Variants in GCLM observed in about 807,000 individuals in gnomAD.
GCLM encodes glutamate--cysteine ligase regulatory subunit.
GCLM carries 15 observed loss-of-function variants against 36.0 expected under a neutral mutation model. The observed-to-expected ratio is 0.42, with a 90% CI of 0.28 to 0.64. The LOEUF is 0.64. GCLM is among the 30% of genes least tolerant of loss of function. The pLI is 0.25. For missense variants in GCLM, 242 were observed against 325.5 expected (o/e 0.74, Z 1.97); for synonymous variants, 129 against 122.8 (o/e 1.05, Z -0.34).
intron 6 of GCLM, among the ~76,000 whole-genome samples, chr1:93,889,586 T>C (rs1656458379): frequency 6.6e-6 from 1 of 151,922 alleles, no homozygotes; most frequent in African/African-American, 2.4e-5. Flanking sequence ...TTCATATATA[T>C]ATATATATCT....
chr1:93,907,182 C>T (rs547679395), intron 1 of GCLM, among the ~76,000 whole-genome samples: 1 of 152,270 alleles, frequency 6.6e-6, no homozygotes, highest in African/African-American at 2.4e-5. Context: ...AAATGTGCCT[C>T]CCCTTTTGCT....
intron 1 of GCLM, among the ~76,000 whole-genome samples, chr1:93,907,012 T>C (rs1300644173): frequency 6.6e-6 from 1 of 152,218 alleles, no homozygotes; most frequent in Non-Finnish European, 1.5e-5. Flanking sequence ...GAAGAGACCT[T>C]GTAAGAAATT....
intron 6 of GCLM, among the ~76,000 whole-genome samples, chr1:93,891,457 T>C (rs889097891): frequency 6.6e-6 from 1 of 152,176 alleles, no homozygotes; most frequent in Non-Finnish European, 1.5e-5. Flanking sequence ...CTGTACCATA[T>C]AAAACAACAA....
At chr1:93,907,913 TAGAAG>T (rs1184931213) in intron 1 of GCLM, among the ~76,000 whole-genome samples, 1 of 152,128 alleles carries the variant, frequency 6.6e-6, no homozygotes, top group African/African-American at 2.4e-5. Flanking sequence ...CAACATCTCA[TAGAAG>T]AGAGCAGAAA....
intron 6 of GCLM, among the ~76,000 whole-genome samples, chr1:93,893,276 T>C (rs1557727078): frequency 6.6e-6 from 1 of 152,188 alleles, no homozygotes; most frequent in Non-Finnish European, 1.5e-5. Flanking sequence ...AAAAAATGTA[T>C]AGTTTCCGTT....
chr1:93,904,754 T>A (rs1218110331), intron 1 of GCLM, among the ~76,000 whole-genome samples, 166 bp from the exon 2 acceptor site: 34 of 152,208 alleles, frequency 2.2e-4, no homozygotes, highest in Non-Finnish European at 1.5e-5. Context: ...TCCTTCAACA[T>A]ACATAAATTC....
rs1656503061 is a variant in GCLM, at chr1:93,890,769, C to G, written c.656-1610G>C. 2.0e-5 allele frequency among the ~76,000 whole-genome samples: 3 copies of G among 152,254 alleles called. No homozygotes were observed. In the East Asian group the frequency reaches 5.8e-4, roughly 29 times the overall value. On this transcript the variant is annotated intron_variant, in intron 6 of 6. Transcript: ENST00000370238. ...CCAAAGTACAAGTACATTCTTAAAGCTAGATACACGCTATATTGCCAACTG... is the reference window on the plus strand; with the variant it reads ...CCAAAGTACAAGTACATTCTTAAAGGTAGATACACGCTATATTGCCAACTG...
intron 3 of GCLM, among the ~76,000 whole-genome samples, chr1:93,898,197 A>G (rs1294394537): frequency 6.6e-6 from 1 of 150,540 alleles, no homozygotes; most frequent in Admixed American, 6.6e-5. Flanking sequence ...ATTACTTGAA[A>G]TTTATATTTT....
chr1:93,905,027 A>C (rs1294053577), intron 1 of GCLM, among the ~76,000 whole-genome samples: 5 of 151,956 alleles, frequency 3.3e-5, no homozygotes, highest in Non-Finnish European at 7.4e-5. Context: ...TACAAAAATC[A>C]TGTGGGCCTA....
At chr1:93,889,202 G>C in intron 6 of GCLM, 43 bp from the exon 7 acceptor site, 3 of 1,433,886 alleles carry the variant, frequency 2.1e-6, no homozygotes, top group Non-Finnish European at 2.8e-6. Flanking sequence ...GTGTTAAATT[G>C]GAAAACAAAA....
chr1:93,909,136 C>T lies in GCLM; in HGVS notation c.28G>A (p.Ala10Thr), dbSNP rs759853135. The change falls in exon 1 of 7, where the codon GCG becomes ACG. Residue 10 changes from alanine to threonine, a missense_variant. Transcript: ENST00000370238. Reference protein sequence around the residue: MGTDSRAAKALLARARTLHL... With the variant: MGTDSRAAKTLLARARTLHL... ...AGGGTGCGGGCCCGCGCCAGGAGCG[C>T]CTTGGCCGCGCGGCTGTCGGTGCCC... 7.2e-7 allele frequency: 1 copy of T among 1,394,384 alleles called. No homozygotes were observed. Among genetic ancestry groups the T allele is most frequent in the Non-Finnish European group, 9.4e-7 (1 of 1,069,124 alleles). 86.4% of individuals were successfully genotyped at this position (1,394,384 alleles called of 1,614,324 possible). A position where few individuals can be genotyped will look rare whatever the true frequency, so the allele number is the denominator to read the frequency against.
chr1:93,888,533 A>G lies in GCLM; in HGVS notation c.*457T>C, dbSNP rs1656407417. The G allele has an allele frequency of 1.3e-5, 2 of 152,560 alleles. No homozygotes were observed. The highest frequency in any genetic ancestry group is 4.8e-5 in the African/African-American group (2 of 41,472). 9.5% of individuals were successfully genotyped at this position (152,560 alleles called of 1,614,324 possible). On this transcript the variant is annotated 3_prime_UTR_variant, in exon 7 of 7. Coordinates refer to ENST00000370238, the MANE Select transcript of GCLM (RefSeq NM_002061.4). ...GTTACTCTGATATATCTCATCAATG[A>G]CAGGAAAAATATCTTCTTCCAGTAT...
rs373074425 is a variant in GCLM at position 93,905,696 on chromosome 1, T to C, written c.127-1108A>G. Among the ~76,000 whole-genome samples, 156 of 152,310 alleles carry C rather than the reference T, an allele frequency of 1.0e-3. 1 individual carries two copies. Among genetic ancestry groups the C allele is most frequent in the African/African-American group, 3.6e-3 (148 of 41,554 alleles). ...GTATTTCAGACTTATTTGATAGTAG[T>C]CCAAAGTAAGACATACATTCACATA... is the stretch of plus-strand genomic sequence containing the variant. On this transcript the variant is annotated intron_variant, in intron 1 of 6. Transcript: ENST00000370238.
At chr1:93,904,209 C>T (rs930285820) in intron 2 of GCLM, 2 of 312,754 alleles carry the variant, frequency 6.4e-6, no homozygotes, top group East Asian at 1.8e-4. Flanking sequence ...AAGCAATCTA[C>T]CAATCACAAT....
At chr1:93,896,847 A>G (rs766221306) in intron 4 of GCLM, 27 bp from the exon 5 acceptor site, 1 of 1,265,858 alleles carries the variant, frequency 7.9e-7, no homozygotes, top group Non-Finnish European at 1.2e-6. Flanking sequence ...CACAAAGAAA[A>G]TAAATGCTTA....
At chr1:93,894,526 G>A in intron 6 of GCLM, 88 bp downstream of exon 6, 1 of 731,662 alleles carries the variant, frequency 1.4e-6, no homozygotes. Context: ...TTTTATCACT[G>A]TCCACATTTA....
rs145797264 is a variant in GCLM at position 93,894,491 on chromosome 1, A to G, written c.655+123T>C. On this transcript the variant is annotated intron_variant, in intron 6 of 6. Coordinates refer to ENST00000370238, the MANE Select transcript of GCLM (RefSeq NM_002061.4). The stretch of plus-strand genomic sequence containing the variant: ...GCATATAGGTTTTGAACTAACCATT[A>G]AGAATAGTTCAGATAACACTGTATT... 3.1e-5 allele frequency: 18 copies of G among 580,464 alleles called. No individual in the cohort carries two copies. In the African/African-American group the frequency reaches 3.2e-4, roughly 10 times the overall value. 36.0% of individuals were successfully genotyped at this position (580,464 alleles called of 1,614,324 possible). A position where few individuals can be genotyped will look rare whatever the true frequency, so the allele number is the denominator to read the frequency against.
chr1:93,900,910 C>T (rs982762606), intron 3 of GCLM, among the ~76,000 whole-genome samples: 3 of 152,088 alleles, frequency 2.0e-5, no homozygotes, highest in African/African-American at 7.2e-5. Flanking sequence ...AGGTACATCC[C>T]CATTTTATAG....
chr1:93,886,355 A>G lies in GCLM; in HGVS notation c.*2635T>C, dbSNP rs1226608736. ...CAGTTTTAAGTAATTATTTGGTAGT[A>G]TTACCACTCTCTATTTTATGGCTTT... On this transcript the variant is annotated 3_prime_UTR_variant, in exon 7 of 7. Coordinates refer to ENST00000370238, the MANE Select transcript of GCLM (RefSeq NM_002061.4). The G allele has an allele frequency of 6.6e-6, 1 of 152,202 alleles. No individual in the cohort carries two copies. Among genetic ancestry groups the G allele is most frequent in the African/African-American group, 2.4e-5 (1 of 41,450 alleles). The allele number at this position is 152,202 out of a possible 1,614,324, so 9.4% of individuals were successfully genotyped here. A position where few individuals can be genotyped will look rare whatever the true frequency, so the allele number is the denominator to read the frequency against.
Sources: gnomAD v4.1 joint callset for allele counts (sites outside exome capture counted in the v4.1 genomes callset) on GRCh38, gnomAD v4.1.1 for gene constraint, MANE v1.5 for transcripts, NCBI Gene and HGNC (gene_info 2026-07-23, HGNC 2026-07-21) for gene names.